Variants in KAZN observed in about 807,000 individuals in gnomAD.
The protein encoded by KAZN is kazrin, periplakin interacting protein, also known as kazrin.
In KAZN, 40 loss-of-function variants were observed where a neutral mutation model predicts 87.4. The ratio of observed to expected loss-of-function variants is 0.46; its 90% CI spans 0.36 to 0.60. KAZN has a LOEUF of 0.60. Ranked by LOEUF, KAZN falls within the 20% of genes least tolerant of loss-of-function variation. The pLI, the probability that KAZN is intolerant of heterozygous loss-of-function variation, is 0.00. For missense variants in KAZN, 898 were observed against 1,073.9 expected, an observed-to-expected ratio of 0.84 and a Z score of 2.29; for synonymous variants, 466 against 458.3, an observed-to-expected ratio of 1.02 and a Z score of -0.22.
intron 1 of KAZN, among the ~76,000 whole-genome samples, chr1:14,715,730 A>G (rs1226927654): frequency 3.3e-5 from 5 of 152,178 alleles, no homozygotes; most frequent in African/African-American, 4.8e-5. Flanking sequence ...TTCTGATTGA[A>G]CTAAAAGTAT....
At chr1:14,713,736 C>G (rs1350988996) in intron 1 of KAZN, among the ~76,000 whole-genome samples, 5 of 126,228 alleles carry the variant, frequency 4.0e-5, no homozygotes, top group Non-Finnish European at 7.7e-5. Context: ...CCAAGGAGTA[C>G]GAGACTAGCC....
At chr1:14,322,324 A>C (rs1656104867) in intron 2 of KAZN, among the ~76,000 whole-genome samples, 1 of 152,148 alleles carries the variant, frequency 6.6e-6, no homozygotes, top group African/African-American at 2.4e-5. Flanking sequence ...GGCATTCTCT[A>C]ACCAGTTGCA....
intron 2 of KAZN, among the ~76,000 whole-genome samples, chr1:14,378,831 T>A (rs1271067607): frequency 6.6e-6 from 1 of 151,914 alleles, no homozygotes; most frequent in Non-Finnish European, 1.5e-5. Context: ...AGATTGAAAC[T>A]CCTAGGTAAG....
chr1:14,760,013 T>A (rs960267070), intron 1 of KAZN, among the ~76,000 whole-genome samples: 1 of 152,012 alleles, frequency 6.6e-6, no homozygotes, highest in Non-Finnish European at 1.5e-5. Context: ...CTGACCCACC[T>A]GTGAGTTTGA....
intron 1 of KAZN, among the ~76,000 whole-genome samples, chr1:14,811,373 G>A (rs543837333): frequency 6.6e-6 from 1 of 152,160 alleles, no homozygotes; most frequent in South Asian, 2.1e-4. Context: ...ATCATAAGAG[G>A]GTGGGAATGT....
At chr1:14,458,804 C>T (rs1016909261) in intron 2 of KAZN, among the ~76,000 whole-genome samples, 5 of 152,142 alleles carry the variant, frequency 3.3e-5, no homozygotes, top group African/African-American at 9.7e-5. Flanking sequence ...TTTAGCACAA[C>T]GGGTGCCATG....
intron 2 of KAZN, among the ~76,000 whole-genome samples, chr1:14,336,476 G>C (rs746626555): frequency 6.6e-6 from 1 of 152,100 alleles, no homozygotes; most frequent in Non-Finnish European, 1.5e-5. Flanking sequence ...GTATATATCT[G>C]GGAGTCAAAT....
At chr1:14,727,498 A>T (rs1290022065) in intron 1 of KAZN, among the ~76,000 whole-genome samples, 13 of 43,974 alleles carry the variant, frequency 3.0e-4, no homozygotes, top group South Asian at 2.4e-3. Context: ...TTTTTTTTTG[A>T]GAAAGAGTTT....
chr1:14,117,622 TA>T (rs1644656044), intron 1 of KAZN, among the ~76,000 whole-genome samples: 1 of 151,262 alleles, frequency 6.6e-6, no homozygotes, highest in Non-Finnish European at 1.5e-5. Flanking sequence ...GGTGGGGAGG[TA>T]AAAGGAAAGA....
At chr1:14,459,124 C>T (rs1281454238) in intron 2 of KAZN, among the ~76,000 whole-genome samples, 1 of 152,174 alleles carries the variant, frequency 6.6e-6, no homozygotes, top group African/African-American at 2.4e-5. Flanking sequence ...GAGAAATAGA[C>T]ACCACTGAAC....
chr1:14,777,310 T>C (rs1645209259), intron 1 of KAZN, among the ~76,000 whole-genome samples: 1 of 152,180 alleles, frequency 6.6e-6, no homozygotes, highest in East Asian at 1.9e-4. Context: ...AGTAGGCATT[T>C]CTTTATTCCT....
In KAZN at chr1:14,972,554, C is replaced by T. The variant is rs1339563465; in HGVS notation, c.418+11679C>T. On this transcript the variant is annotated intron_variant, in intron 2 of 14. Coordinates refer to ENST00000376030, the MANE Select transcript of KAZN (RefSeq NM_201628.3). ...TTTTGAGTTGGAGTCTCACTCTTGT[C>T]GCCTAGGCTAGAGTGCAATGGCACA... 4.0e-5 allele frequency among the ~76,000 whole-genome samples: 6 copies of T among 149,736 alleles called. No individual in the cohort carries two copies. The East Asian group carries it at 5.9e-4, about 15-fold the overall frequency.
chr1:14,378,322 C>T (rs933564794), intron 2 of KAZN, among the ~76,000 whole-genome samples: 4 of 150,280 alleles, frequency 2.7e-5, no homozygotes, highest in East Asian at 1.9e-4. Flanking sequence ...GAAAAGTAAA[C>T]GGGAGGAGGA....
Position 15,096,550 on chromosome 1 carries a change from T to C in KAZN, c.1547+1617T>C, listed in dbSNP as rs1039246083. 6.6e-6 allele frequency among the ~76,000 whole-genome samples: 1 copy of C among 152,184 alleles called. No homozygotes were observed. Among genetic ancestry groups the C allele is most frequent in the Non-Finnish European group, 1.5e-5 (1 of 68,042 alleles). On this transcript the variant is annotated intron_variant, in intron 10 of 14. Coordinates refer to ENST00000376030, the MANE Select transcript of KAZN (RefSeq NM_201628.3). This position sits in a 1 kb window ranked among gnomAD's most constrained non-coding sequence, Gnocchi z 4.5. ...CCTAAATGGGGCTGTCTTAGTCTGC[T>C]TGGGCTGCCATAACAAAATGACACC...
chr1:14,487,569 C>A (rs959179319), intron 2 of KAZN, among the ~76,000 whole-genome samples: 1 of 152,090 alleles, frequency 6.6e-6, no homozygotes, highest in Non-Finnish European at 1.5e-5. Context: ...GGGGCTGGAG[C>A]CAAAGACTTT....
chr1:14,052,225 A>G (rs754317353), intron 1 of KAZN, among the ~76,000 whole-genome samples: 3 of 152,230 alleles, frequency 2.0e-5, no homozygotes, highest in Non-Finnish European at 2.9e-5. Context: ...TCTAAACACC[A>G]GATGGATCTG....
chr1:14,366,125 T>C (rs150652117), intron 2 of KAZN, among the ~76,000 whole-genome samples: 304 of 152,362 alleles, frequency 2.0e-3, no homozygotes, highest in Non-Finnish European at 3.6e-3. Flanking sequence ...TTGCAGCTGT[T>C]CCCATTTAAA....
At chr1:13,949,288 C>T (rs1356292762) in intron 1 of KAZN, among the ~76,000 whole-genome samples, 1 of 146,496 alleles carries the variant, frequency 6.8e-6, no homozygotes, top group Non-Finnish European at 1.5e-5. Context: ...CTGAATCATT[C>T]CCAAGAACAT....
intron 1 of KAZN, among the ~76,000 whole-genome samples, chr1:14,741,371 G>A (rs552714226): frequency 7.9e-5 from 12 of 152,184 alleles, no homozygotes; most frequent in Admixed American, 5.2e-4. Context: ...GGTTGCCTCA[G>A]CTCAGGCAAA....
Sources: allele counts gnomAD v4.1 joint callset (sites outside exome capture counted in the v4.1 genomes callset), GRCh38; gene constraint gnomAD v4.1.1; non-coding constraint Gnocchi (gnomAD v3.1); transcripts MANE v1.5; gene names NCBI Gene and HGNC (gene_info 2026-07-23, HGNC 2026-07-21).